Variants in PCF11 observed in about 807,000 individuals in gnomAD.
PCF11 encodes the protein PCF11 cleavage and polyadenylation factor subunit.
A neutral mutation model predicts 166.1 loss-of-function variants in PCF11; 19 were observed. The observed-to-expected ratio is 0.11, with a 90% CI of 0.08 to 0.17. PCF11 has a LOEUF of 0.17. PCF11 is among the 10% of genes least tolerant of loss of function. The probability of loss-of-function intolerance (pLI) is 1.00; values close to 1 mark genes in which losing one functional copy is unlikely to be tolerated. For missense variants in PCF11, 1,565 were observed against 1,855.5 expected (o/e 0.84, Z 2.88); for synonymous variants, 663 against 644.1 (o/e 1.03, Z -0.44).
At chr11:83,169,288 C>G in exon 8 of PCF11, 2 of 1,611,824 alleles carry the variant, frequency 1.2e-6, no homozygotes, top group East Asian at 2.2e-5. Context: ...GTTTGAGGGT[C>G]CACATGGTCA....
chr11:83,184,641 A>T (rs1406139552), intron 15 of PCF11, 38 bp from the exon 16 acceptor site: 1 of 1,374,760 alleles, frequency 7.3e-7, no homozygotes, highest in Non-Finnish European at 1.0e-6. Flanking sequence ...GAGAATTTTG[A>T]ACTTTCATCA....
exon 3 of PCF11, chr11:83,163,781 T>A (rs774508130): frequency 6.3e-7 from 1 of 1,595,436 alleles, no homozygotes; most frequent in South Asian, 1.1e-5. Context: ...AGTCAATTCA[T>A]TAGATCCTGC....
intron 15 of PCF11, 178 bp from the exon 16 acceptor site, chr11:83,184,501 A>AAT (rs1488334167): frequency 1.7e-6 from 1 of 589,310 alleles, no homozygotes; most frequent in African/African-American, 1.9e-5. Flanking sequence ...TTGAACGTGC[A>AAT]ATATATATTT....
At chr11:83,162,875 A>G (rs1445857213) in intron 2 of PCF11, among the ~76,000 whole-genome samples, 5 of 152,166 alleles carry the variant, frequency 3.3e-5, no homozygotes, top group Admixed American at 3.3e-4. Context: ...CCCGGATTCA[A>G]GTGATTCTCC....
exon 5 of PCF11, chr11:83,165,790 G>C: frequency 6.2e-7 from 1 of 1,612,264 alleles, no homozygotes; most frequent in Non-Finnish European, 8.5e-7. Flanking sequence ...CGGGATCCTC[G>C]TCTGAACAGG....
chr11:83,164,445 A>G, intron 4 of PCF11, 44 bp downstream of exon 4: 1 of 1,368,598 alleles, frequency 7.3e-7, no homozygotes, highest in Non-Finnish European at 1.0e-6. Flanking sequence ...AAACCTGTCT[A>G]ACAATAGGGA....
At position 83,183,086 on chromosome 11, in the gene PCF11, T is replaced by C; in HGVS notation, c.4452+13T>C. ...AGATTATCAAAATGTAAGTTCTTTT[T>C]GGTTACTGTATTTGTTCTCATTTGC... On this transcript the variant is annotated intron_variant, in intron 15 of 15. Coordinates refer to ENST00000298281, the Ensembl canonical transcript of PCF11. The C allele has an allele frequency of 1.4e-6, 2 of 1,434,252 alleles. No homozygotes were observed. Among genetic ancestry groups the C allele is most frequent in the Non-Finnish European group, 1.9e-6 (2 of 1,038,426 alleles). The allele number at this position is 1,434,252 out of a possible 1,614,324, so 88.8% of individuals were successfully genotyped here.
chr11:83,177,814 G>A (rs1035864515), exon 11 of PCF11: 45 of 1,423,532 alleles, frequency 3.2e-5, no homozygotes, highest in Middle Eastern at 1.8e-4. Context: ...TTGAAGAATT[G>A]AAACAGTATG....
chr11:83,182,501 ATTTCT>A lies in PCF11; in HGVS notation c.4416+13_4416+17del. The A allele has an allele frequency of 7.7e-7, 1 of 1,291,012 alleles. No homozygotes were observed. Among genetic ancestry groups the A allele is most frequent in the Non-Finnish European group, 1.1e-6 (1 of 889,304 alleles). The allele number at this position is 1,291,012 out of a possible 1,614,324, so 80.0% of individuals were successfully genotyped here. A position where few individuals can be genotyped will look rare whatever the true frequency, so the allele number is the denominator to read the frequency against. On this transcript the variant is annotated intron_variant, in intron 14 of 15. Transcript: ENST00000298281. The stretch of plus-strand genomic sequence containing the variant: ...TAGAGTAGATGGAAAGGTAATTTTC[ATTTCT>A]TTATAAGGAAGTGTTAAGATTAGTG...
chr11:83,171,063 A>G (rs1449696312), intron 8 of PCF11, among the ~76,000 whole-genome samples: 1 of 152,214 alleles, frequency 6.6e-6, no homozygotes, highest in Non-Finnish European at 1.5e-5. Context: ...CCACATGTAT[A>G]CTGAACAAGG....
chr11:83,170,113 A>G (rs1860634953), intron 8 of PCF11, 118 bp downstream of exon 8: 1 of 832,088 alleles, frequency 1.2e-6, no homozygotes, highest in East Asian at 2.8e-5. Flanking sequence ...TTTTTAATGT[A>G]CTCTAAAGCC....
chr11:83,167,781 G>A lies in PCF11; in HGVS notation c.2092+276G>A. ...TAGTGGAGCACAGTTTGACAGAAAA[G>A]AACAATTTAGTGAAAGAGCAAGACG... On this transcript the variant is annotated intron_variant, in intron 7 of 15. Coordinates refer to ENST00000298281, the Ensembl canonical transcript of PCF11. The surrounding 1 kb of genome is among the most constrained non-coding windows in gnomAD (Gnocchi z 4.2). The A allele has an allele frequency of 7.1e-7, 1 of 1,401,644 alleles. No homozygotes were observed. Among genetic ancestry groups the A allele is most frequent in the Non-Finnish European group, 9.4e-7 (1 of 1,062,520 alleles). 86.8% of individuals were successfully genotyped at this position (1,401,644 alleles called of 1,614,324 possible).
At chr11:83,172,478 A>G (rs1590931627) in intron 9 of PCF11, among the ~76,000 whole-genome samples, 1 of 152,088 alleles carries the variant, frequency 6.6e-6, no homozygotes, top group East Asian at 1.9e-4. Flanking sequence ...TCTGGAGTGC[A>G]GTAGTGTCAT....
intron 1 of PCF11, 156 bp downstream of exon 1, chr11:83,157,787 C>T (rs1860051033): frequency 1.5e-6 from 1 of 672,312 alleles, no homozygotes; most frequent in Non-Finnish European, 2.5e-6. Flanking sequence ...TTGGCCCAGG[C>T]TTCGAGCATG....
At chr11:83,169,510 C>T in exon 8 of PCF11, 1 of 1,613,808 alleles carries the variant, frequency 6.2e-7, no homozygotes, top group Non-Finnish European at 8.5e-7. Context: ...ACATGGTCAG[C>T]CAGGTCCTAG....
intron 1 of PCF11, chr11:83,158,423 C>T (rs926823147): frequency 1.3e-5 from 2 of 152,158 alleles, no homozygotes; most frequent in Non-Finnish European, 2.9e-5. Flanking sequence ...CTGAAAAGTT[C>T]AGTCCCTCCT....
At chr11:83,161,251 G>A in intron 1 of PCF11, 76 bp from the exon 2 acceptor site, 1 of 1,211,080 alleles carries the variant, frequency 8.3e-7, no homozygotes, top group Non-Finnish European at 1.2e-6. Flanking sequence ...CTGTATTGTA[G>A]GTTTAAAAAC....
chr11:83,158,801 G>A (rs992408962), intron 1 of PCF11: 11 of 152,310 alleles, frequency 7.2e-5, no homozygotes, highest in Admixed American at 7.2e-4. Flanking sequence ...TGTAAAACTT[G>A]AGTGGTCTGA....
intron 9 of PCF11, among the ~76,000 whole-genome samples, chr11:83,172,551 T>C (rs1311652002): frequency 6.6e-6 from 1 of 152,108 alleles, no homozygotes; most frequent in East Asian, 1.9e-4. Context: ...GCCTCCCAAG[T>C]AGCTGGGACT....
Sources: gnomAD v4.1 joint callset for allele counts (sites outside exome capture counted in the v4.1 genomes callset) on GRCh38, gnomAD v4.1.1 for gene constraint, Gnocchi (gnomAD v3.1) non-coding constraint, MANE v1.5 for transcripts, NCBI Gene and HGNC (gene_info 2026-07-23, HGNC 2026-07-21) for gene names.